UBE2K: variants seen among roughly 807,000 people sequenced by gnomAD.
UBE2K encodes ubiquitin conjugating enzyme E2 K.
A neutral mutation model predicts 30.0 loss-of-function variants in UBE2K; 6 were observed. The observed-to-expected ratio is 0.20, with a 90% CI of 0.11 to 0.39. The LOEUF (loss-of-function observed/expected upper bound fraction) is 0.39. Ranked by LOEUF, UBE2K falls within the 10% of genes least tolerant of loss-of-function variation. The probability of loss-of-function intolerance (pLI) is 1.00; values close to 1 mark genes in which losing one functional copy is unlikely to be tolerated. For synonymous variants in UBE2K, 86 were observed against 83.7 expected, an observed-to-expected ratio of 1.03 and a Z score of -0.15; for missense variants, 61 against 241.6, an observed-to-expected ratio of 0.25 and a Z score of 4.96.
chr4:39,744,317 C>T (rs1161839241), intron 2 of UBE2K, among the ~76,000 whole-genome samples: 2 of 151,882 alleles, frequency 1.3e-5, no homozygotes, highest in Admixed American at 6.6e-5. Context: ...GGGCTACAGG[C>T]GTCCGCCACC....
At chr4:39,771,061 A>G in intron 4 of UBE2K, 2 of 1,612,442 alleles carry the variant, frequency 1.2e-6, no homozygotes, top group Non-Finnish European at 1.7e-6. Context: ...GGGCTCAGTG[A>G]ACTGGCTGAG....
At chr4:39,761,362 A>G (rs1296824792) in intron 4 of UBE2K, 1 of 152,216 alleles carries the variant, frequency 6.6e-6, no homozygotes, top group Non-Finnish European at 1.5e-5. Context: ...AGTGTTTTGA[A>G]TGAACGTGGT....
chr4:39,769,979 C>T (rs1432076673), intron 4 of UBE2K: 1 of 865,010 alleles, frequency 1.2e-6, no homozygotes, highest in African/African-American at 1.7e-5. Flanking sequence ...CCACTCTTAC[C>T]TTTCTGCCCC....
In UBE2K at chr4:39,781,652, G is replaced by A. The variant is rs976797882; in HGVS notation, c.*3218G>A. 8.9e-6 allele frequency: 3 copies of A among 336,412 alleles called. No individual in the cohort carries two copies. The highest frequency in any genetic ancestry group is 9.6e-5 in the Admixed American group (2 of 20,906). The allele number at this position is 336,412 out of a possible 1,614,324, so 20.8% of individuals were successfully genotyped here. A position where few individuals can be genotyped will look rare whatever the true frequency, so the allele number is the denominator to read the frequency against. On this transcript the variant is annotated 3_prime_UTR_variant, in exon 7 of 7. Transcript: ENST00000261427. Reference sequence around the variant, plus strand: ...GTTATTGTTTTAAAGATTTAAGATGGATTGGGGTAGGGAACAGCTGGAGCC... The same window carrying A: ...GTTATTGTTTTAAAGATTTAAGATGAATTGGGGTAGGGAACAGCTGGAGCC...
intron 1 of UBE2K, among the ~76,000 whole-genome samples, chr4:39,702,109 A>G (rs1718046134): frequency 6.6e-6 from 1 of 152,058 alleles, no homozygotes; most frequent in Non-Finnish European, 1.5e-5. Flanking sequence ...TTTGAAACTT[A>G]ATGAAATAAA....
chr4:39,720,473 G>A (rs568506236), intron 1 of UBE2K, among the ~76,000 whole-genome samples: 6 of 152,120 alleles, frequency 3.9e-5, no homozygotes, highest in African/African-American at 1.4e-4. Flanking sequence ...TAATAAAATG[G>A]ACATGATCCT....
chr4:39,730,649 T>C (rs1209849651), intron 1 of UBE2K, among the ~76,000 whole-genome samples: 2 of 151,712 alleles, frequency 1.3e-5, no homozygotes, highest in Admixed American at 1.3e-4. Context: ...GCGCCTATAA[T>C]TGCAGCTACT....
In UBE2K at chr4:39,781,593, T is replaced by C. The variant is rs777533132; in HGVS notation, c.*3159T>C. ...GGTGTATGGTAATGTTTTACAATCCTATGTAGCAAAATAGGAAATTATGAA... is the reference window on the plus strand; with the variant it reads ...GGTGTATGGTAATGTTTTACAATCCCATGTAGCAAAATAGGAAATTATGAA... On this transcript the variant is annotated 3_prime_UTR_variant, in exon 7 of 7. Coordinates refer to ENST00000261427, the MANE Select transcript of UBE2K (RefSeq NM_005339.5). 5 of 210,482 alleles carry C rather than the reference T, an allele frequency of 2.4e-5. No individual in the cohort carries two copies. Among genetic ancestry groups the C allele is most frequent in the Non-Finnish European group, 4.7e-5 (5 of 106,628 alleles). 13.0% of individuals were successfully genotyped at this position (210,482 alleles called of 1,614,324 possible). A position where few individuals can be genotyped will look rare whatever the true frequency, so the allele number is the denominator to read the frequency against.
intron 4 of UBE2K, among the ~76,000 whole-genome samples, chr4:39,759,733 T>C (rs1711765531): frequency 6.6e-6 from 1 of 152,196 alleles, no homozygotes; most frequent in South Asian, 2.1e-4. Flanking sequence ...GCTGCCCTTC[T>C]AAAAGACACA....
chr4:39,764,544 C>T (rs900032652), intron 4 of UBE2K, among the ~76,000 whole-genome samples: 1 of 151,696 alleles, frequency 6.6e-6, no homozygotes, highest in Admixed American at 6.6e-5. Context: ...CTTCCAGGCC[C>T]CAAGCATTCT....
At position 39,780,535 on chromosome 4, in the gene UBE2K, C is replaced by T. The variant is rs1390835529; in HGVS notation, c.*2101C>T. ...TATATCCTGCTTTGATTTTTATGCA[C>T]ATGAGCCCTATAGGGTTATATACTC... is the stretch of plus-strand genomic sequence containing the variant. On this transcript the variant is annotated 3_prime_UTR_variant, in exon 7 of 7. Transcript: ENST00000261427. The T allele has an allele frequency of 6.6e-6, 1 of 152,082 alleles. No individual in the cohort carries two copies. Among genetic ancestry groups the T allele is most frequent in the Non-Finnish European group, 1.5e-5 (1 of 67,976 alleles). 9.4% of individuals were successfully genotyped at this position (152,082 alleles called of 1,614,324 possible). A position where few individuals can be genotyped will look rare whatever the true frequency, so the allele number is the denominator to read the frequency against.
intron 5 of UBE2K, 133 bp downstream of exon 5, chr4:39,775,066 G>T: frequency 2.0e-6 from 1 of 491,284 alleles, no homozygotes; most frequent in Non-Finnish European, 3.5e-6. Context: ...CTTGTGGTAG[G>T]ATTATTTTGT....
chr4:39,770,052 C>T, intron 4 of UBE2K: 1 of 1,509,934 alleles, frequency 6.6e-7, no homozygotes, highest in Non-Finnish European at 8.8e-7. Context: ...CCCAGGGACC[C>T]CAGCCTCCGG....
At chr4:39,771,465 G>C in intron 4 of UBE2K, 2 of 1,542,138 alleles carry the variant, frequency 1.3e-6, no homozygotes, top group Non-Finnish European at 1.7e-6. Context: ...CCCTGGCCCG[G>C]TTCCGCGCGC....
intron 1 of UBE2K, among the ~76,000 whole-genome samples, chr4:39,719,754 A>T (rs1010266239): frequency 2.6e-5 from 4 of 152,190 alleles, no homozygotes; most frequent in African/African-American, 9.7e-5. Flanking sequence ...AGCTGATAAT[A>T]AAACATTTTA....
chr4:39,723,535 A>AT (rs1249694198), intron 1 of UBE2K, among the ~76,000 whole-genome samples: 1 of 149,070 alleles, frequency 6.7e-6, no homozygotes, highest in Non-Finnish European at 1.5e-5. Flanking sequence ...CGCCCTGCTA[A>AT]TTTTTTGTAT....
chr4:39,744,061 C>A (rs1468592787), intron 2 of UBE2K, among the ~76,000 whole-genome samples: 1 of 152,132 alleles, frequency 6.6e-6, no homozygotes, highest in Non-Finnish European at 1.5e-5. Context: ...TGGGGTTTCG[C>A]CATGTTTGCC....
chr4:39,739,079 G>A (rs1376888085), intron 2 of UBE2K, among the ~76,000 whole-genome samples: 1 of 151,348 alleles, frequency 6.6e-6, no homozygotes, highest in Non-Finnish European at 1.5e-5. Flanking sequence ...CCAGCCTGGA[G>A]TGCAGTGGCG....
intron 1 of UBE2K, among the ~76,000 whole-genome samples, chr4:39,734,052 T>C (rs1289254222): frequency 6.6e-6 from 1 of 152,190 alleles, no homozygotes; most frequent in Non-Finnish European, 1.5e-5. Context: ...AACTTTGTTT[T>C]CTTTTTATCT....
Sources: gnomAD v4.1 joint callset for allele counts (sites outside exome capture counted in the v4.1 genomes callset) on GRCh38, gnomAD v4.1.1 for gene constraint, MANE v1.5 for transcripts, NCBI Gene and HGNC (gene_info 2026-07-23, HGNC 2026-07-21) for gene names.